Variants in SPATA16 observed in about 807,000 individuals in gnomAD.
SPATA16 encodes the protein spermatogenesis-associated protein 16.
Under a neutral mutation model 63.3 loss-of-function variants are expected in SPATA16, and 36 were observed. The ratio of observed to expected loss-of-function variants is 0.57; its 90% CI spans 0.44 to 0.75. The LOEUF (loss-of-function observed/expected upper bound fraction) is 0.75. Ranked by LOEUF, SPATA16 falls within the 30% of genes least tolerant of loss-of-function variation. SPATA16 has a pLI of 0.00. For missense variants in SPATA16, 646 were observed against 679.3 expected, an observed-to-expected ratio of 0.95 and a Z score of 0.54; for synonymous variants, 203 against 216.7, an observed-to-expected ratio of 0.94 and a Z score of 0.56.
chr3:172,994,223 C>G (rs142302289), intron 4 of SPATA16, among the ~76,000 whole-genome samples: 93 of 152,220 alleles, frequency 6.1e-4, no homozygotes, highest in African/African-American at 2.1e-3. Context: ...GAAGAAGAAA[C>G]TCTTGGTGAA....
At chr3:173,073,644 G>A (rs1046040277) in intron 2 of SPATA16, among the ~76,000 whole-genome samples, 1 of 152,244 alleles carries the variant, frequency 6.6e-6, no homozygotes, top group Admixed American at 6.5e-5. Flanking sequence ...ATGCCTGGAT[G>A]TCCAGGCAGA....
At chr3:173,032,170 T>C (rs1319753706) in intron 3 of SPATA16, among the ~76,000 whole-genome samples, 1 of 152,098 alleles carries the variant, frequency 6.6e-6, no homozygotes, top group Non-Finnish European at 1.5e-5. Context: ...AACTCAAATA[T>C]TGTCTTTCAT....
At chr3:173,101,937 C>A (rs889603966) in intron 2 of SPATA16, among the ~76,000 whole-genome samples, 2 of 152,178 alleles carry the variant, frequency 1.3e-5, no homozygotes, top group Non-Finnish European at 2.9e-5. Context: ...ATTGTAACCA[C>A]CCTGTCATCA....
intron 3 of SPATA16, among the ~76,000 whole-genome samples, chr3:173,028,015 CT>C (rs1406042145): frequency 0.043 from 2,370 of 55,366 alleles, 142 homozygotes; most frequent in African/African-American, 0.095. Flanking sequence ...CCCTCCCTCC[CT>C]TCCTTCTTTC....
At position 172,988,214 on chromosome 3, in the gene SPATA16, A is replaced by G. The variant is rs74544616; in HGVS notation, c.849-11162T>C. 5.5e-3 allele frequency among the ~76,000 whole-genome samples: 834 copies of G among 152,290 alleles called. 5 individuals are homozygous for G. Among genetic ancestry groups the G allele is most frequent in the African/African-American group, 0.019 (799 of 41,550 alleles). On this transcript the variant is annotated intron_variant, in intron 4 of 10. Transcript: ENST00000351008. ...GGTGAGGTTGTCAAGGCAGCCTACA[A>G]ACATCTGTTTTAAACCAAAGTTTAC... is the stretch of plus-strand genomic sequence containing the variant.
chr3:173,001,028 A>C (rs1046647475), intron 4 of SPATA16, among the ~76,000 whole-genome samples: 6 of 152,120 alleles, frequency 3.9e-5, no homozygotes, highest in African/African-American at 1.4e-4. Flanking sequence ...GCCATGTCTG[A>C]TTCTGGCTCT....
chr3:172,913,386 G>A (rs1031052821), intron 10 of SPATA16, among the ~76,000 whole-genome samples: 4 of 152,022 alleles, frequency 2.6e-5, no homozygotes, highest in Admixed American at 6.6e-5. Flanking sequence ...GAACGAAGGC[G>A]CAGATAATGA....
chr3:173,137,812 A>C (rs1029226690), intron 1 of SPATA16, among the ~76,000 whole-genome samples: 1 of 136,354 alleles, frequency 7.3e-6, no homozygotes, highest in African/African-American at 2.7e-5. Flanking sequence ...GGGGGATCCC[A>C]TGGACTCTCA....
At chr3:173,127,855 C>T (rs1028064389) in intron 1 of SPATA16, among the ~76,000 whole-genome samples, 1 of 152,200 alleles carries the variant, frequency 6.6e-6, no homozygotes, top group African/African-American at 2.4e-5. Flanking sequence ...ACGCAATTTC[C>T]TGCTTCCTCA....
chr3:173,030,412 A>T (rs916497471), intron 3 of SPATA16, among the ~76,000 whole-genome samples: 4 of 152,050 alleles, frequency 2.6e-5, no homozygotes, highest in Non-Finnish European at 5.9e-5. Flanking sequence ...TTAAAAATGG[A>T]CAAAGAACTT....
intron 1 of SPATA16, among the ~76,000 whole-genome samples, chr3:173,118,824 G>A (rs1215099291): frequency 6.6e-6 from 1 of 152,150 alleles, no homozygotes; most frequent in African/African-American, 2.4e-5. Flanking sequence ...AGGTTCTTTA[G>A]TATAGCTAAT....
chr3:172,917,428 A>G (rs916026625), intron 8 of SPATA16, among the ~76,000 whole-genome samples: 31 of 152,294 alleles, frequency 2.0e-4, no homozygotes, highest in African/African-American at 7.5e-4. Context: ...TGGCAATTGC[A>G]TTTTACATCC....
chr3:172,904,429 G>A (rs1256224235), intron 10 of SPATA16, among the ~76,000 whole-genome samples: 1 of 152,156 alleles, frequency 6.6e-6, no homozygotes, highest in African/African-American at 2.4e-5. Context: ...GTTTAAAAGT[G>A]GCCGAGCTCC....
chr3:173,087,557 C>T (rs971655833), intron 2 of SPATA16, among the ~76,000 whole-genome samples: 75 of 152,228 alleles, frequency 4.9e-4, no homozygotes, highest in African/African-American at 1.5e-3. Flanking sequence ...GAATTTGATC[C>T]GGTCATCATG....
chr3:173,021,199 T>C (rs1735322697), intron 3 of SPATA16, among the ~76,000 whole-genome samples: 1 of 152,220 alleles, frequency 6.6e-6, no homozygotes, highest in Admixed American at 6.5e-5. Flanking sequence ...TTAGCTCACT[T>C]CAAACACAAA....
intron 4 of SPATA16, among the ~76,000 whole-genome samples, chr3:172,985,820 G>C (rs548093795): frequency 1.3e-5 from 2 of 152,122 alleles, no homozygotes; most frequent in Non-Finnish European, 2.9e-5. Context: ...AGGAAGAAAG[G>C]GGGGAAACGC....
chr3:172,938,120 G>A lies in SPATA16; in HGVS notation c.1082-12628C>T, dbSNP rs187540887. ...CCATTACCCAGGTTATGGTAAATTG[G>A]TGCCCCATGTAACTTAACTGTTGCA... On this transcript the variant is annotated intron_variant, in intron 6 of 10. Transcript: ENST00000351008. 1.4e-3 allele frequency among the ~76,000 whole-genome samples: 210 copies of A among 152,232 alleles called. 1 individual carries two copies. The highest frequency in any genetic ancestry group is 4.7e-3 in the African/African-American group (195 of 41,538).
At chr3:172,940,261 A>T (rs1733114285) in intron 6 of SPATA16, among the ~76,000 whole-genome samples, 2 of 152,240 alleles carry the variant, frequency 1.3e-5, no homozygotes, top group South Asian at 2.1e-4. Context: ...GGTTGATCAG[A>T]AGTATTGCAA....
intron 2 of SPATA16, among the ~76,000 whole-genome samples, chr3:173,094,328 G>A (rs1353538276): frequency 6.6e-6 from 1 of 152,070 alleles, no homozygotes; most frequent in Non-Finnish European, 1.5e-5. Flanking sequence ...AATATTTAAA[G>A]CCAAATTCCC....
Sources: gnomAD v4.1 joint callset for allele counts (sites outside exome capture counted in the v4.1 genomes callset) on GRCh38, gnomAD v4.1.1 for gene constraint, MANE v1.5 for transcripts, NCBI Gene and HGNC (gene_info 2026-07-23, HGNC 2026-07-21) for gene names.